Variants in DLGAP2 observed in about 807,000 individuals in gnomAD.
DLGAP2 encodes disks large-associated protein 2.
DLGAP2 carries 26 observed loss-of-function variants against 100.3 expected under a neutral mutation model. That is an observed-to-expected ratio of 0.26 (90% confidence interval 0.19 to 0.36). The LOEUF is 0.36. Among genes scored for constraint, DLGAP2 ranks in the 10% least tolerant of loss-of-function variants. The pLI is 1.00. For synonymous variants in DLGAP2, 886 were observed against 630.1 expected (o/e 1.41, Z -6.08); for missense variants, 1,858 against 1,453.2 (o/e 1.28, Z -4.53).
At chr8:893,564 G>A (rs1397528371) in intron 1 of DLGAP2, among the ~76,000 whole-genome samples, 1 of 152,224 alleles carries the variant, frequency 6.6e-6, no homozygotes, top group African/African-American at 2.4e-5. Context: ...GGATGAAGCT[G>A]CCCTTCCATC....
chr8:842,492 T>G (rs1182812445), intron 1 of DLGAP2, among the ~76,000 whole-genome samples: 1 of 152,244 alleles, frequency 6.6e-6, no homozygotes, highest in Non-Finnish European at 1.5e-5. Flanking sequence ...TTTACTCTCT[T>G]TATTGCTCAG....
chr8:1,269,420 C>T (rs757461061), intron 3 of DLGAP2, among the ~76,000 whole-genome samples: 11 of 152,164 alleles, frequency 7.2e-5, no homozygotes, highest in Non-Finnish European at 1.3e-4. Flanking sequence ...TAGGTCAGAG[C>T]CATCCACCTT....
chr8:1,314,873 C>T (rs576270485), intron 3 of DLGAP2, among the ~76,000 whole-genome samples: 5 of 152,340 alleles, frequency 3.3e-5, no homozygotes, highest in African/African-American at 1.2e-4. Context: ...ATGGGTAAAT[C>T]CTAAACCTTT....
At chr8:750,479 A>C (rs1820762895) in intron 1 of DLGAP2, among the ~76,000 whole-genome samples, 1 of 152,274 alleles carries the variant, frequency 6.6e-6, no homozygotes, top group South Asian at 2.1e-4. Flanking sequence ...TCCTGAGTGC[A>C]TAAAAATTGA....
chr8:1,449,335 G>A (rs1014147181), intron 3 of DLGAP2, among the ~76,000 whole-genome samples: 1 of 152,206 alleles, frequency 6.6e-6, no homozygotes. Flanking sequence ...ACTGGGGCAT[G>A]GGCAGGCATG....
chr8:1,131,858 G>A (rs371468104), intron 2 of DLGAP2, among the ~76,000 whole-genome samples: 4 of 152,264 alleles, frequency 2.6e-5, no homozygotes, highest in Middle Eastern at 3.4e-3. Context: ...AAATGGTCCC[G>A]TTTTTCAATG....
At position 759,783 on chromosome 8, in the gene DLGAP2, C is replaced by G. The variant is rs189088089; in HGVS notation, c.18+21958C>G. 2.7e-3 allele frequency among the ~76,000 whole-genome samples: 413 copies of G among 152,330 alleles called. 3 individuals are homozygous for G. The highest frequency in any genetic ancestry group is 9.3e-3 in the African/African-American group (385 of 41,562). On this transcript the variant is annotated intron_variant, in intron 1 of 14. Coordinates refer to ENST00000637795, the MANE Select transcript of DLGAP2 (RefSeq NM_001346810.2). ...TTAAGTATTTACTACCTCTTCCCCT[C>G]TCTCGATAGAATTGAAACGTTGCTT...
chr8:1,635,680 A>G (rs1336607811), intron 8 of DLGAP2, among the ~76,000 whole-genome samples: 1 of 152,268 alleles, frequency 6.6e-6, no homozygotes, highest in Non-Finnish European at 1.5e-5. Context: ...ATGCAGGCTC[A>G]AAAGGTAAAA....
Position 753,158 on chromosome 8 carries a change from C to CCTGA in DLGAP2, c.18+15335_18+15338dup, listed in dbSNP as rs1820835238. Among the ~76,000 whole-genome samples, 6 of 152,198 alleles carry CCTGA rather than the reference C, an allele frequency of 3.9e-5. No individual in the cohort carries two copies. The South Asian group carries it at 1.2e-3, about 31-fold the overall frequency. On this transcript the variant is annotated intron_variant, in intron 1 of 14. Transcript: ENST00000637795. Reference sequence around the variant, plus strand: ...GGAGGGTTTACTGGTGGGACGCAGACCTGACCGCTTAGGGCCGGATGGGTG... The same window carrying CCTGA: ...GGAGGGTTTACTGGTGGGACGCAGACCTGACTGACCGCTTAGGGCCGGATGGGTG...
At chr8:1,229,217 T>C (rs1254074284) in intron 2 of DLGAP2, among the ~76,000 whole-genome samples, 1 of 151,748 alleles carries the variant, frequency 6.6e-6, no homozygotes, top group Non-Finnish European at 1.5e-5. Flanking sequence ...TTAAAGAAGG[T>C]TTTAGTATCA....
chr8:815,139 C>G (rs1796452949), intron 1 of DLGAP2, among the ~76,000 whole-genome samples: 1 of 152,172 alleles, frequency 6.6e-6, no homozygotes, highest in Admixed American at 6.6e-5. Context: ...ATGCTTGAGA[C>G]TGGTTTCTTT....
chr8:1,244,940 A>G (rs1273564915), intron 2 of DLGAP2, among the ~76,000 whole-genome samples: 3 of 152,244 alleles, frequency 2.0e-5, no homozygotes, highest in Non-Finnish European at 4.4e-5. Flanking sequence ...AAGCCGAGAA[A>G]GGGATGGGCA....
intron 6 of DLGAP2, among the ~76,000 whole-genome samples, chr8:1,577,815 A>G (rs1471953723): frequency 6.6e-6 from 1 of 152,060 alleles, no homozygotes; most frequent in Admixed American, 6.5e-5. Context: ...AACGGGCAGC[A>G]CTCAGCGTGG....
At chr8:1,348,791 G>A (rs758543293) in intron 3 of DLGAP2, among the ~76,000 whole-genome samples, 38 of 152,330 alleles carry the variant, frequency 2.5e-4, no homozygotes, top group Non-Finnish European at 3.8e-4. Flanking sequence ...TTGTGTATGC[G>A]GTGGAGCGTG....
intron 2 of DLGAP2, among the ~76,000 whole-genome samples, chr8:1,167,326 G>A (rs1797035889): frequency 6.6e-6 from 1 of 152,166 alleles, no homozygotes; most frequent in African/African-American, 2.4e-5. Flanking sequence ...GCTTTCTCGA[G>A]TCCAGTACAC....
chr8:907,068 T>G (rs992946934), intron 1 of DLGAP2, among the ~76,000 whole-genome samples: 2 of 152,200 alleles, frequency 1.3e-5, no homozygotes, highest in African/African-American at 4.8e-5. Flanking sequence ...TGAAAGTCGA[T>G]CGAGGGCAAA....
intron 3 of DLGAP2, among the ~76,000 whole-genome samples, chr8:1,266,966 C>G (rs936790606): frequency 6.6e-6 from 1 of 152,018 alleles, no homozygotes; most frequent in Non-Finnish European, 1.5e-5. Context: ...CGGTGGCTCA[C>G]GCCTATAATC....
chr8:1,200,923 C>A (rs1428414482), intron 2 of DLGAP2, among the ~76,000 whole-genome samples: 1 of 152,220 alleles, frequency 6.6e-6, no homozygotes, highest in African/African-American at 2.4e-5. Context: ...CCGGGCGGTG[C>A]GCGATTCAGC....
chr8:1,264,989 T>C (rs1337955066), intron 3 of DLGAP2, among the ~76,000 whole-genome samples: 1 of 152,212 alleles, frequency 6.6e-6, no homozygotes, highest in Admixed American at 6.5e-5. Flanking sequence ...GCTCCTCCTT[T>C]GCCTTCCACC....
Sources: allele counts gnomAD v4.1 joint callset (sites outside exome capture counted in the v4.1 genomes callset), GRCh38; gene constraint gnomAD v4.1.1; transcripts MANE v1.5; gene names NCBI Gene and HGNC (gene_info 2026-07-23, HGNC 2026-07-21).